Variants in ANK2 observed in about 807,000 individuals in gnomAD.
The protein encoded by ANK2 is ankyrin 2, also known as ankyrin-2.
Under a neutral mutation model 360.5 loss-of-function variants are expected in ANK2, and 83 were observed. The observed-to-expected ratio is 0.23, with a 90% CI of 0.19 to 0.28. ANK2 has a LOEUF of 0.28. Among genes scored for constraint, ANK2 ranks in the 10% least tolerant of loss-of-function variants. The pLI is 1.00. For synonymous variants in ANK2, 1,740 were observed against 1,759.5 expected (o/e 0.99, Z 0.28); for missense variants, 4,201 against 4,795.7 (o/e 0.88, Z 3.66).
chr4:113,259,446 T>C (rs2051355322), intron 13 of ANK2, among the ~76,000 whole-genome samples: 2 of 152,334 alleles, frequency 1.3e-5, no homozygotes, highest in Admixed American at 1.3e-4. Context: ...GTATTCTCTC[T>C]CATATTTCTT....
the ANK2 span, among the ~76,000 whole-genome samples, chr4:112,731,873 C>T: frequency 6.6e-6 from 1 of 152,196 alleles, no homozygotes; most frequent in Non-Finnish European, 1.5e-5. Flanking sequence ...ACAATCATTG[C>T]ACACTACAGC....
chr4:112,806,987 T>G, the ANK2 span, among the ~76,000 whole-genome samples: 1 of 152,152 alleles, frequency 6.6e-6, no homozygotes, highest in South Asian at 2.1e-4. Context: ...ACAAAATGAG[T>G]CTTCAGGGGA....
the ANK2 span, among the ~76,000 whole-genome samples, chr4:112,743,207 G>C: frequency 6.6e-6 from 1 of 152,172 alleles, no homozygotes. Flanking sequence ...AAACATGAAA[G>C]TGCGGGCAGT....
intron 2 of ANK2, among the ~76,000 whole-genome samples, chr4:112,949,586 G>C (rs41467946): frequency 0.19 from 28,286 of 152,100 alleles, 3,792 homozygotes; most frequent in African/African-American, 0.38. Flanking sequence ...AAATATCTCT[G>C]TAAATGACAT....
At chr4:113,209,421 GCTTTGCAGGGCTACTTC>G (rs2098994813) in intron 4 of ANK2, among the ~76,000 whole-genome samples, 1 of 151,930 alleles carries the variant, frequency 6.6e-6, no homozygotes, top group Non-Finnish European at 1.5e-5. Context: ...CCACAGGACA[GCTTTGCAGGGCTACTTC>G]TTTTTGTAGG....
In ANK2 at chr4:113,174,668, T is replaced by C; in HGVS notation, c.186+151T>C. 3 of 612,510 alleles carry C rather than the reference T, an allele frequency of 4.9e-6. No individual in the cohort carries two copies. The South Asian group carries it at 5.7e-5, about 12-fold the overall frequency. The allele number at this position is 612,510 out of a possible 1,614,324, so 37.9% of individuals were successfully genotyped here. ...CCATTTTTTGCCCCCTTACCAACTT[T>C]TCAAGTATCAGATGTTTGTATCTAG... On this transcript the variant is annotated intron_variant, in intron 2 of 45. Transcript: ENST00000357077.
chr4:112,952,479 C>T (rs952723839), intron 2 of ANK2, among the ~76,000 whole-genome samples: 2 of 152,222 alleles, frequency 1.3e-5, no homozygotes, highest in East Asian at 3.9e-4. Flanking sequence ...CTTTATTGTT[C>T]TGGGGAAGCT....
chr4:112,931,442 T>C (rs568042735), intron 2 of ANK2, among the ~76,000 whole-genome samples: 7 of 144,738 alleles, frequency 4.8e-5, no homozygotes, highest in Non-Finnish European at 7.6e-5. Flanking sequence ...TCTTTTTTTT[T>C]TTTTTTTTTT....
At chr4:113,231,052 T>G (rs867614875) in intron 4 of ANK2, among the ~76,000 whole-genome samples, 37 of 151,000 alleles carry the variant, frequency 2.5e-4, no homozygotes, top group African/African-American at 8.5e-4. Flanking sequence ...TTTCTTTTTT[T>G]TTTTTTTCTT....
At chr4:113,042,165 C>T (rs548281703) in intron 2 of ANK2, among the ~76,000 whole-genome samples, 7 of 152,226 alleles carry the variant, frequency 4.6e-5, no homozygotes, top group East Asian at 1.9e-4. Context: ...AAAAGGGAGA[C>T]GAAGGATGAA....
intron 2 of ANK2, among the ~76,000 whole-genome samples, chr4:113,037,982 C>T (rs2061973616): frequency 6.6e-6 from 1 of 152,056 alleles, no homozygotes; most frequent in African/African-American, 2.4e-5. Context: ...GAGTTTGAAG[C>T]TAACAAACAA....
intron 1 of ANK2, chr4:112,881,915 C>T: frequency 1.4e-6 from 1 of 695,446 alleles, no homozygotes; most frequent in Admixed American, 1.9e-5. Context: ...TCCCATCCAC[C>T]TTGTGTGGCT....
chr4:113,236,854 TA>T, intron 5 of ANK2, 132 bp from the exon 6 acceptor site: 1 of 924,156 alleles, frequency 1.1e-6, no homozygotes, highest in Non-Finnish European at 1.7e-6. Context: ...AATCTGCTTC[TA>T]ATCTTCCCAG....
At chr4:112,867,432 T>C (rs993346197) in intron 1 of ANK2, among the ~76,000 whole-genome samples, 2 of 152,044 alleles carry the variant, frequency 1.3e-5, no homozygotes, top group African/African-American at 4.8e-5. Context: ...TATAATAAAA[T>C]TCACCACTTT....
chr4:112,759,930 G>A, the ANK2 span, among the ~76,000 whole-genome samples: 2 of 152,200 alleles, frequency 1.3e-5, no homozygotes, highest in East Asian at 3.9e-4. Context: ...AAAAATCACA[G>A]CATAGTAGGG....
chr4:112,789,711 A>T, the ANK2 span, among the ~76,000 whole-genome samples: 1 of 152,274 alleles, frequency 6.6e-6, no homozygotes, highest in Non-Finnish European at 1.5e-5. Flanking sequence ...TGTGCCAGTG[A>T]TCTCTGTGTT....
chr4:113,184,345 TA>T (rs1173742645), intron 2 of ANK2, among the ~76,000 whole-genome samples: 9 of 151,758 alleles, frequency 5.9e-5, no homozygotes, highest in Non-Finnish European at 8.8e-5. Flanking sequence ...GAGGACATGA[TA>T]AGTTTAGCCC....
In ANK2 at chr4:113,356,842, C is replaced by A; in HGVS notation, c.8224C>A (p.His2742Asn). ...KSEEEKDSES[H>N]LAEDRHAVST... ...AGAAGAAGAAAAAGATTCTGAATCC[C>A]ATTTAGCTGAAGACCGTCATGCTGT... The change falls in exon 38 of 46, where the codon CAT becomes AAT. Residue 2742 changes from histidine to asparagine, a missense_variant. His to Asn is a moderately conservative substitution (Grantham distance 68). Coordinates refer to ENST00000357077, the MANE Select transcript of ANK2 (RefSeq NM_001148.6). The A allele has an allele frequency of 7.4e-6, 12 of 1,613,996 alleles. No individual in the cohort carries two copies. Among genetic ancestry groups the A allele is most frequent in the Non-Finnish European group, 1.0e-5 (12 of 1,179,958 alleles).
chr4:113,302,198 A>G (rs1166160969), intron 22 of ANK2, among the ~76,000 whole-genome samples: 1 of 152,186 alleles, frequency 6.6e-6, no homozygotes, highest in Non-Finnish European at 1.5e-5. Context: ...TGGATTGACA[A>G]CCTTGGAGAG....
Sources: allele counts gnomAD v4.1 joint callset (sites outside exome capture counted in the v4.1 genomes callset), GRCh38; gene constraint gnomAD v4.1.1; transcripts MANE v1.5; gene names NCBI Gene and HGNC (gene_info 2026-07-23, HGNC 2026-07-21).